PSD3: variants seen among roughly 807,000 people sequenced by gnomAD.
The protein encoded by PSD3 is pleckstrin and Sec7 domain containing 3.
A neutral mutation model predicts 105.5 loss-of-function variants in PSD3; 49 were observed. The ratio of observed to expected loss-of-function variants is 0.46; its 90% CI spans 0.37 to 0.59. The LOEUF (loss-of-function observed/expected upper bound fraction) is 0.59, where lower values mean the gene tolerates loss of function less well. Among genes scored for constraint, PSD3 ranks in the 20% least tolerant of loss-of-function variants. The pLI is 0.00. For synonymous variants in PSD3, 557 were observed against 457.8 expected (o/e 1.22, Z -2.77); for missense variants, 1,561 against 1,263.8 (o/e 1.24, Z -3.57).
intron 9 of PSD3, among the ~76,000 whole-genome samples, chr8:18,712,741 T>C (rs939669373): frequency 2.0e-5 from 3 of 152,094 alleles, no homozygotes; most frequent in African/African-American, 7.2e-5. Flanking sequence ...GCGAAACTAT[T>C]CCAAAAAATT....
chr8:18,850,915 C>A (rs1815513122), intron 4 of PSD3, among the ~76,000 whole-genome samples: 1 of 152,100 alleles, frequency 6.6e-6, no homozygotes, highest in Non-Finnish European at 1.5e-5. Flanking sequence ...ACTCTATTGC[C>A]CCCCCTCCCT....
chr8:18,853,497 T>C (rs933494136), intron 4 of PSD3, among the ~76,000 whole-genome samples: 8 of 151,976 alleles, frequency 5.3e-5, no homozygotes, highest in African/African-American at 1.7e-4. Context: ...ACAGAAACTT[T>C]CCCAGAAAGA....
intron 1 of PSD3, among the ~76,000 whole-genome samples, chr8:19,057,694 G>A (rs543265763): frequency 1.8e-4 from 28 of 152,150 alleles, no homozygotes; most frequent in South Asian, 6.2e-4. Flanking sequence ...ACCCCAAATA[G>A]GTTATAAGGA....
intron 4 of PSD3, among the ~76,000 whole-genome samples, chr8:18,854,642 C>G (rs921325508): frequency 6.6e-6 from 1 of 152,220 alleles, no homozygotes; most frequent in African/African-American, 2.4e-5. Flanking sequence ...ACAGCACACA[C>G]AGCCTGGTCC....
At chr8:18,879,438 A>G (rs1173447201) in intron 2 of PSD3, among the ~76,000 whole-genome samples, 1 of 152,218 alleles carries the variant, frequency 6.6e-6, no homozygotes, top group African/African-American at 2.4e-5. Flanking sequence ...GAGAGGCGAA[A>G]GGACCTGACC....
rs372069873 is a variant in PSD3 at position 18,846,726 on chromosome 8, C to A, written c.1634+20948G>T. Among the ~76,000 whole-genome samples, 3 of 152,270 alleles carry A rather than the reference C, an allele frequency of 2.0e-5. 1 individual carries two copies. In the East Asian group the frequency reaches 5.8e-4, roughly 29 times the overall value. On this transcript the variant is annotated intron_variant, in intron 4 of 15. Transcript: ENST00000327040. ...GAAGTTGCAGGATGCACGGGAGGCG[C>A]CGGCAAAACCGACTGGTCTCAACTC...
intron 15 of PSD3, among the ~76,000 whole-genome samples, chr8:18,554,524 A>T (rs1244814142): frequency 2.6e-5 from 4 of 152,174 alleles, no homozygotes; most frequent in Non-Finnish European, 4.4e-5. Flanking sequence ...CTTGACCATG[A>T]AGAAAACTAG....
rs139123593 is a variant in PSD3, at chr8:18,875,949, T to C, written c.131-3216A>G. 1.1e-4 allele frequency among the ~76,000 whole-genome samples: 17 copies of C among 152,320 alleles called. No individual in the cohort carries two copies. The East Asian group carries it at 3.3e-3, about 29-fold the overall frequency. On this transcript the variant is annotated intron_variant, in intron 2 of 15. Coordinates refer to ENST00000327040, the MANE Select transcript of PSD3 (RefSeq NM_015310.4). Reference sequence around the variant, plus strand: ...ACTACCAATATACTTTCTATCTCTATGAAATGGTCTATCCTGGACACTTCA... The same window carrying C: ...ACTACCAATATACTTTCTATCTCTACGAAATGGTCTATCCTGGACACTTCA...
At chr8:18,796,422 A>G (rs1224916769) in intron 8 of PSD3, among the ~76,000 whole-genome samples, 2 of 152,182 alleles carry the variant, frequency 1.3e-5, no homozygotes, top group Admixed American at 6.6e-5. Context: ...AAGAGTATGG[A>G]AAGGAGGAGG....
Position 18,830,726 on chromosome 8 carries a change from A to G in PSD3, c.1635-25828T>C, listed in dbSNP as rs531807984. 2.3e-4 allele frequency among the ~76,000 whole-genome samples: 35 copies of G among 152,316 alleles called. No homozygotes were observed. The South Asian group carries it at 7.3e-3, about 32-fold the overall frequency. On this transcript the variant is annotated intron_variant, in intron 4 of 15. Transcript: ENST00000327040. ...ATAACCCGAACTCCACCCCTTCGGA[A>G]GGCGTAGCTGTCCTTTGGCTGCACT...
intron 9 of PSD3, among the ~76,000 whole-genome samples, chr8:18,685,863 T>C (rs1585616544): frequency 1.3e-5 from 2 of 152,032 alleles, no homozygotes; most frequent in African/African-American, 2.4e-5. Flanking sequence ...ATTCAAAATG[T>C]CCCGTGTAAA....
At chr8:18,671,342 A>T (rs998654812) in intron 9 of PSD3, among the ~76,000 whole-genome samples, 1 of 152,220 alleles carries the variant, frequency 6.6e-6, no homozygotes, top group Non-Finnish European at 1.5e-5. Flanking sequence ...CATTTCTAGC[A>T]TAAGCATGCC....
intron 4 of PSD3, among the ~76,000 whole-genome samples, chr8:18,830,157 G>A (rs1006171498): frequency 1.3e-5 from 2 of 152,070 alleles, no homozygotes; most frequent in African/African-American, 4.8e-5. Flanking sequence ...GGTCAGGCTG[G>A]TCTTGAACTA....
chr8:19,010,730 T>C (rs1263960574), intron 1 of PSD3, among the ~76,000 whole-genome samples: 1 of 152,096 alleles, frequency 6.6e-6, no homozygotes, highest in Admixed American at 6.5e-5. Context: ...GCTGTCAAGA[T>C]ATGGGCACTC....
chr8:19,017,809 T>A (rs974481685), upstream of PSD3, among the ~76,000 whole-genome samples: 1 of 152,236 alleles, frequency 6.6e-6, no homozygotes, highest in Non-Finnish European at 1.5e-5. Context: ...ATTTATGAGT[T>A]CATGGACATT....
intron 15 of PSD3, among the ~76,000 whole-genome samples, chr8:18,549,257 C>T (rs60891670): frequency 6.7e-6 from 1 of 150,054 alleles, no homozygotes; most frequent in East Asian, 2.0e-4. Context: ...TCTCGGCTCA[C>T]TGCAACCTCT....
At chr8:18,607,847 C>T (rs1487758) in intron 11 of PSD3, among the ~76,000 whole-genome samples, 76,041 of 151,806 alleles carry the variant, frequency 0.5, 19,091 homozygotes, top group East Asian at 0.56. Flanking sequence ...TGTACAATCA[C>T]GGCAGAAGGG....
intron 1 of PSD3, among the ~76,000 whole-genome samples, chr8:18,938,369 C>T (rs1194598581): frequency 6.6e-6 from 1 of 151,266 alleles, no homozygotes; most frequent in Non-Finnish European, 1.5e-5. Flanking sequence ...TGCCTTTAAT[C>T]TTAGCACTCT....
intron 1 of PSD3, among the ~76,000 whole-genome samples, chr8:19,002,424 T>C (rs1179735679): frequency 1.3e-5 from 2 of 152,032 alleles, no homozygotes; most frequent in East Asian, 3.9e-4. Flanking sequence ...TGATGAGGTA[T>C]ACTTTTTAAG....
Sources: gnomAD v4.1 joint callset for allele counts (sites outside exome capture counted in the v4.1 genomes callset) on GRCh38, gnomAD v4.1.1 for gene constraint, MANE v1.5 for transcripts, NCBI Gene and HGNC (gene_info 2026-07-23, HGNC 2026-07-21) for gene names.